Variants in ATAD2 observed in about 807,000 individuals in gnomAD.
The protein encoded by ATAD2 is ATPase family AAA domain-containing protein 2.
In ATAD2, 62 loss-of-function variants were observed where a neutral mutation model predicts 168.9. That is an observed-to-expected ratio of 0.37 (90% CI 0.30 to 0.45). The LOEUF is 0.45. ATAD2 is among the 20% of genes least tolerant of loss of function. The pLI is 1.00. For synonymous variants in ATAD2, 613 were observed against 571.6 expected, an observed-to-expected ratio of 1.07 and a Z score of -1.03; for missense variants, 1,419 against 1,667.8, an observed-to-expected ratio of 0.85 and a Z score of 2.60.
chr8:123,341,274 T>C (rs181114480), intron 19 of ATAD2, among the ~76,000 whole-genome samples: 204 of 152,316 alleles, frequency 1.3e-3, no homozygotes, highest in African/African-American at 4.7e-3. Flanking sequence ...TCTTTTGGTA[T>C]AGAATTTCCA....
At chr8:123,366,581 C>G (rs1470937259) in intron 8 of ATAD2, among the ~76,000 whole-genome samples, 1 of 152,206 alleles carries the variant, frequency 6.6e-6, no homozygotes, top group Admixed American at 6.5e-5. Flanking sequence ...TTTGCAACTA[C>G]TTGGATGAGA....
rs555753160 is a variant in ATAD2 at position 123,366,457 on chromosome 8, C to T, written c.1049+2601G>A. Among the ~76,000 whole-genome samples the T allele has an allele frequency of 2.0e-5, 3 of 152,292 alleles. 1 individual carries two copies. The highest frequency in any genetic ancestry group is 7.2e-5 in the African/African-American group (3 of 41,560). ...ACTTATTATATGAAACAGATACTTC[C>T]ACACGTATGTTTATAGCAGCACAAT... On this transcript the variant is annotated intron_variant, in intron 8 of 27. Coordinates refer to ENST00000287394, the MANE Select transcript of ATAD2 (RefSeq NM_014109.4).
In ATAD2 at chr8:123,339,299, A is replaced by G. The variant is rs778244438; in HGVS notation, c.2854+12T>C. ...AAAATTATTAAATATTAACTTTGAT[A>G]TAGAAACTAACCTGCTTTCTTTTTT... is the stretch of plus-strand genomic sequence containing the variant. On this transcript the variant is annotated intron_variant, in intron 20 of 27. Transcript: ENST00000287394. 5 of 1,519,680 alleles carry G rather than the reference A, an allele frequency of 3.3e-6. No homozygotes were observed. Among genetic ancestry groups the G allele is most frequent in the African/African-American group, 2.8e-5 (2 of 71,126 alleles). 94.1% of individuals were successfully genotyped at this position (1,519,680 alleles called of 1,614,324 possible).
In ATAD2 at chr8:123,404,342, G is replaced by A. The variant is rs1045445158; in HGVS notation, c.-2281-3167C>T. Among the ~76,000 whole-genome samples, 22 of 150,784 alleles carry A rather than the reference G, an allele frequency of 1.5e-4. 1 individual carries two copies. The highest frequency in any genetic ancestry group is 1.5e-5 in the Non-Finnish European group (1 of 68,022). The stretch of plus-strand genomic sequence containing the variant: ...CAGAAATTTATTCTCTGATGGTTAA[G>A]GAGGCAAGAAATCCAAAATCAAGGT... On this transcript the variant is annotated intron_variant, in intron 1 of 28. Coordinates refer to the ATAD2 transcript ENST00000521903.
At chr8:123,373,711 C>T (rs1051355221) in intron 2 of ATAD2, among the ~76,000 whole-genome samples, 2 of 149,340 alleles carry the variant, frequency 1.3e-5, no homozygotes, top group Admixed American at 6.8e-5. Flanking sequence ...ATGGCGTGAA[C>T]CCAGGAGGCG....
Position 123,339,576 on chromosome 8 carries a change from T to G in ATAD2, c.2719-130A>C. ...CATGTATTCAGTATGTCCCTCCACT[T>G]AACAATCGGGTTATGTCCAAATAAA... On this transcript the variant is annotated intron_variant, in intron 19 of 27. Coordinates refer to ENST00000287394, the MANE Select transcript of ATAD2 (RefSeq NM_014109.4). The G allele has an allele frequency of 3.6e-6, 3 of 838,632 alleles. No homozygotes were observed. In the South Asian group the frequency reaches 5.5e-5, roughly 15 times the overall value. 51.9% of individuals were successfully genotyped at this position (838,632 alleles called of 1,614,324 possible). A position where few individuals can be genotyped will look rare whatever the true frequency, so the allele number is the denominator to read the frequency against.
Position 123,384,885 on chromosome 8 carries a change from C to T in ATAD2, c.172-4208G>A, listed in dbSNP as rs535121286. ...TGACAGAGCATTAATTCTAACAACT[C>T]TACCCACAAACATTTTATTTCTTGG... On this transcript the variant is annotated intron_variant, in intron 1 of 27. Transcript: ENST00000287394. Among the ~76,000 whole-genome samples, 16 of 152,296 alleles carry T rather than the reference C, an allele frequency of 1.1e-4. 1 individual carries two copies. The East Asian group carries it at 2.5e-3, about 24-fold the overall frequency.
At chr8:123,407,230 C>T (rs1463863304) in intron 1 of ATAD2, among the ~76,000 whole-genome samples, 2 of 152,172 alleles carry the variant, frequency 1.3e-5, no homozygotes, top group Non-Finnish European at 2.9e-5. Context: ...TTCAGACTTC[C>T]AGACTCTTGA....
At chr8:123,355,555 T>C (rs1828615121) in intron 13 of ATAD2, among the ~76,000 whole-genome samples, 1 of 152,230 alleles carries the variant, frequency 6.6e-6, no homozygotes, top group Non-Finnish European at 1.5e-5. Context: ...GAGATTGGTC[T>C]AGTATTAGAA....
At chr8:123,385,738 T>C (rs1418393865) in intron 1 of ATAD2, among the ~76,000 whole-genome samples, 3 of 152,042 alleles carry the variant, frequency 2.0e-5, no homozygotes, top group Non-Finnish European at 4.4e-5. Context: ...GAAAAAAATC[T>C]GCAAATCATA....
intron 19 of ATAD2, 109 bp downstream of exon 19, chr8:123,344,775 T>C: frequency 8.2e-7 from 1 of 1,224,506 alleles, no homozygotes; most frequent in Admixed American, 2.0e-5. Flanking sequence ...TAAGAAAACT[T>C]ATCCTTTTAT....
chr8:123,398,580 C>T (rs7000575), upstream of ATAD2, among the ~76,000 whole-genome samples: 7,808 of 152,268 alleles, frequency 0.051, 684 homozygotes, highest in African/African-American at 0.18. Flanking sequence ...GGCGCAGCCA[C>T]GGTTCACTGC....
chr8:123,384,859 T>C (rs898414683), intron 1 of ATAD2, among the ~76,000 whole-genome samples: 1 of 152,334 alleles, frequency 6.6e-6, no homozygotes, highest in South Asian at 2.1e-4. Flanking sequence ...CTTGTTTTGA[T>C]TGACAGAGCA....
chr8:123,414,160 A>C (rs1176250694), intron 1 of ATAD2, among the ~76,000 whole-genome samples: 1 of 151,278 alleles, frequency 6.6e-6, no homozygotes, highest in Non-Finnish European at 1.5e-5. Context: ...AGATTTTTTT[A>C]ACAAAAAATC....
At chr8:123,344,687 AATATATAC>A (rs1828178061) in intron 19 of ATAD2, 189 bp downstream of exon 19, 2 of 580,364 alleles carry the variant, frequency 3.4e-6, no homozygotes, top group African/African-American at 3.8e-5. Context: ...ATGTATCCTT[AATATATAC>A]ATACACATAT....
chr8:123,341,316 G>A (rs369124514), intron 19 of ATAD2, among the ~76,000 whole-genome samples: 2 of 152,054 alleles, frequency 1.3e-5, no homozygotes, highest in Non-Finnish European at 1.5e-5. Flanking sequence ...AGATTAAACC[G>A]ATTACATTTT....
intron 13 of ATAD2, among the ~76,000 whole-genome samples, chr8:123,352,820 T>A (rs1368603808): frequency 2.0e-5 from 3 of 151,950 alleles, no homozygotes; most frequent in Non-Finnish European, 2.9e-5. Context: ...TCCCAGCACT[T>A]TGGGAGCCTG....
chr8:123,338,144 C>G (rs1300836057), intron 20 of ATAD2, among the ~76,000 whole-genome samples: 1 of 152,104 alleles, frequency 6.6e-6, no homozygotes, highest in African/African-American at 2.4e-5. Context: ...ATCACCAGGT[C>G]AGGAGATCGA....
chr8:123,395,711 C>G (rs1347741815), intron 1 of ATAD2, among the ~76,000 whole-genome samples: 1 of 152,136 alleles, frequency 6.6e-6, no homozygotes, highest in Non-Finnish European at 1.5e-5. Flanking sequence ...TCCTCTGGAT[C>G]GTTAATGGAG....
Sources: allele counts gnomAD v4.1 joint callset (sites outside exome capture counted in the v4.1 genomes callset), GRCh38; gene constraint gnomAD v4.1.1; transcripts MANE v1.5; gene names NCBI Gene and HGNC (gene_info 2026-07-23, HGNC 2026-07-21).